The following PSD2 variants were observed in gnomAD, a reference collection of about 807,000 sequenced individuals.
The protein encoded by PSD2 is PH and SEC7 domain-containing protein 2.
A neutral mutation model predicts 69.8 loss-of-function variants in PSD2; 38 were observed. That is an observed-to-expected ratio of 0.54 (90% CI 0.42 to 0.71). The LOEUF (loss-of-function observed/expected upper bound fraction) is 0.71, where lower values mean the gene tolerates loss of function less well. Among genes scored for constraint, PSD2 ranks in the 30% least tolerant of loss-of-function variants. The pLI, the probability that PSD2 is intolerant of heterozygous loss-of-function variation, is 0.00. For missense variants in PSD2, 943 were observed against 1,014.5 expected (o/e 0.93, Z 0.96); for synonymous variants, 412 against 423.0 (o/e 0.97, Z 0.32).
At chr5:139,747,781 C>A in the PSD2 span, among the ~76,000 whole-genome samples, 1 of 152,242 alleles carries the variant, frequency 6.6e-6, no homozygotes, top group Non-Finnish European at 1.5e-5. The surrounding 1 kb of genome is among the most constrained non-coding windows in gnomAD (Gnocchi z 6.7). Context: ...CCCACCGGGC[C>A]CCCCAGCCAG....
chr5:139,781,407 C>T, the PSD2 span, among the ~76,000 whole-genome samples: 1 of 151,816 alleles, frequency 6.6e-6, no homozygotes, highest in African/African-American at 2.4e-5. Flanking sequence ...GCAATCTTGG[C>T]CCACTGCAAG....
rs1581739466 is a variant in PSD2 at position 139,836,664 on chromosome 5, G to A, written c.1404-147G>A. ...GGTCAGAGATCTGGATCTGTGGTCT[G>A]GAATTGGAATCTCTTCATCTCTGCC... On this transcript the variant is annotated intron_variant, in intron 9 of 14. Transcript: ENST00000274710. 4 of 658,752 alleles carry A rather than the reference G, an allele frequency of 6.1e-6. No individual in the cohort carries two copies. The East Asian group carries it at 8.0e-5, about 13-fold the overall frequency. 40.8% of individuals were successfully genotyped at this position (658,752 alleles called of 1,614,324 possible).
chr5:139,840,323 C>A (rs931006016), intron 14 of PSD2, among the ~76,000 whole-genome samples, 153 bp downstream of exon 14: 1 of 152,132 alleles, frequency 6.6e-6, no homozygotes, highest in Non-Finnish European at 1.5e-5. Flanking sequence ...ACCTTTAGTC[C>A]CCAGTCCTTC....
chr5:139,838,829 C>T, intron 13 of PSD2, 57 bp downstream of exon 13: 1 of 1,566,174 alleles, frequency 6.4e-7, no homozygotes, highest in Non-Finnish European at 8.7e-7. Context: ...CAGCCCAGGC[C>T]CCCATCCAGC....
chr5:139,815,248 A>C (rs58597417), intron 4 of PSD2, among the ~76,000 whole-genome samples: 80 of 152,136 alleles, frequency 5.3e-4, no homozygotes, highest in African/African-American at 1.9e-3. Context: ...CAGGTCCCCA[A>C]CAACTGCGCC....
chr5:139,795,694 C>T (rs1212075835), upstream of PSD2: 1 of 151,562 alleles, frequency 6.6e-6, no homozygotes, highest in Non-Finnish European at 1.5e-5. The surrounding 1 kb of genome is among the most constrained non-coding windows in gnomAD (Gnocchi z 4.5). Context: ...GCCGCGCTTC[C>T]CTCCGGGCTC....
upstream of PSD2, among the ~76,000 whole-genome samples, chr5:139,791,376 T>C (rs1318478229): frequency 6.6e-6 from 1 of 151,970 alleles, no homozygotes; most frequent in Non-Finnish European, 1.5e-5. Flanking sequence ...GCTGCACTGA[T>C]CTGAGATCAT....
At chr5:139,781,876 C>T in the PSD2 span, among the ~76,000 whole-genome samples, 15 of 152,098 alleles carry the variant, frequency 9.9e-5, no homozygotes, top group African/African-American at 3.1e-4. Flanking sequence ...TCAGGTGATC[C>T]GCCCACCTCG....
the PSD2 span, among the ~76,000 whole-genome samples, chr5:139,755,522 T>G: frequency 1.3e-5 from 2 of 152,068 alleles, no homozygotes; most frequent in African/African-American, 4.8e-5. Flanking sequence ...GTGTGATGTG[T>G]GTATGTCCCT....
Position 139,844,324 on chromosome 5 carries a change from T to C in PSD2, c.*1850T>C, listed in dbSNP as rs1423000160. 6.6e-6 allele frequency: 1 copy of C among 152,218 alleles called. No homozygotes were observed. Among genetic ancestry groups the C allele is most frequent in the Non-Finnish European group, 1.5e-5 (1 of 68,044 alleles). The allele number at this position is 152,218 out of a possible 1,614,324, so 9.4% of individuals were successfully genotyped here. The stretch of plus-strand genomic sequence containing the variant: ...TCCCATCAGTAAAAAAATGTTTAGT[T>C]CACTTCCTTAATTGTATAATTATTT... On this transcript the variant is annotated 3_prime_UTR_variant, in exon 15 of 15. Transcript: ENST00000274710.
chr5:139,743,718 C>T, the PSD2 span: 2 of 152,406 alleles, frequency 1.3e-5, no homozygotes, highest in Non-Finnish European at 2.9e-5. Flanking sequence ...ACAGTTTCAT[C>T]CTTCCTCAGG....
chr5:139,806,344 CCTG>C (rs576505429), intron 1 of PSD2, among the ~76,000 whole-genome samples: 245 of 152,334 alleles, frequency 1.6e-3, no homozygotes, highest in African/African-American at 5.7e-3. Flanking sequence ...CCCTTGATCT[CCTG>C]GGAGAGTTTG....
chr5:139,757,379 C>G, the PSD2 span, among the ~76,000 whole-genome samples: 8 of 152,242 alleles, frequency 5.3e-5, no homozygotes, highest in African/African-American at 1.9e-4. Context: ...GCTTCTTCAG[C>G]TTTTCCCTTA....
intron 12 of PSD2, among the ~76,000 whole-genome samples, chr5:139,838,296 T>C (rs1309241433): frequency 1.3e-5 from 2 of 152,112 alleles, no homozygotes; most frequent in African/African-American, 2.4e-5. Flanking sequence ...AGGAGGGCTG[T>C]GGGGGTCACC....
At chr5:139,824,388 TC>T (rs1307325218) in intron 7 of PSD2, among the ~76,000 whole-genome samples, 3 of 147,832 alleles carry the variant, frequency 2.0e-5, no homozygotes, top group Admixed American at 6.7e-5. Context: ...CTTTCGTCTC[TC>T]TCTTGTTTTT....
chr5:139,804,423 G>A (rs1281070475), intron 1 of PSD2, among the ~76,000 whole-genome samples: 1 of 152,186 alleles, frequency 6.6e-6, no homozygotes, highest in African/African-American at 2.4e-5. Context: ...AGGGCTTTGA[G>A]CCTTTCCAGA....
At chr5:139,815,362 C>T (rs1760093222) in intron 4 of PSD2, among the ~76,000 whole-genome samples, 1 of 152,278 alleles carries the variant, frequency 6.6e-6, no homozygotes, top group South Asian at 2.1e-4. Context: ...TGCCCCTGCC[C>T]TCTCCCATCT....
rs774122278 is a variant in PSD2, at chr5:139,838,706, C to T, written c.1902C>T (p.Ala634=). The change falls in exon 13 of 15, where the codon GCC becomes GCT. Residue 634 remains alanine, a synonymous_variant. Transcript: ENST00000274710. The part of the protein sequence containing the change: ...AAIFSAPAFP[A]AVSSMKKFCR... ...TCTTCTCTGCCCCGGCCTTCCCAGC[C>T]GCTGTCAGCTCCATGAAGAAGTTCT... is the stretch of plus-strand genomic sequence containing the variant. The T allele has an allele frequency of 5.0e-5, 80 of 1,613,854 alleles. 1 individual carries two copies. The South Asian group carries it at 5.9e-4, about 12-fold the overall frequency.
chr5:139,829,602 T>C (rs1263395378), intron 7 of PSD2, among the ~76,000 whole-genome samples: 2 of 152,240 alleles, frequency 1.3e-5, no homozygotes, highest in African/African-American at 4.8e-5. Flanking sequence ...TGTGGCCTGT[T>C]GTGACTGGCG....
Sources: allele counts gnomAD v4.1 joint callset (sites outside exome capture counted in the v4.1 genomes callset), GRCh38; gene constraint gnomAD v4.1.1; non-coding constraint Gnocchi (gnomAD v3.1); transcripts MANE v1.5; gene names NCBI Gene and HGNC (gene_info 2026-07-23, HGNC 2026-07-21).